Variants in PRKCA observed in about 807,000 individuals in gnomAD.
The protein encoded by PRKCA is protein kinase C alpha, also known as protein kinase C alpha type.
PRKCA carries 27 observed loss-of-function variants against 87.0 expected under a neutral mutation model. The observed-to-expected ratio is 0.31, with a 90% CI of 0.23 to 0.43. The LOEUF (loss-of-function observed/expected upper bound fraction) is 0.43. PRKCA is among the 20% of genes least tolerant of loss of function. The pLI, the probability that PRKCA is intolerant of heterozygous loss-of-function variation, is 1.00. For missense variants in PRKCA, 518 were observed against 852.3 expected (o/e 0.61, Z 4.88); for synonymous variants, 329 against 311.1 (o/e 1.06, Z -0.61).
chr17:66,698,749 G>T (rs367971058), intron 8 of PRKCA, among the ~76,000 whole-genome samples: 2 of 151,330 alleles, frequency 1.3e-5, no homozygotes, highest in South Asian at 2.1e-4. Context: ...TGAGGCAGGT[G>T]GATCACTTGA....
At chr17:66,705,800 C>G (rs191843267) in intron 8 of PRKCA, among the ~76,000 whole-genome samples, 13 of 152,218 alleles carry the variant, frequency 8.5e-5, no homozygotes, top group African/African-American at 3.1e-4. Flanking sequence ...AACATTGGCA[C>G]AAGTCTTCAT....
chr17:66,560,792 A>G (rs574550937), intron 3 of PRKCA, among the ~76,000 whole-genome samples: 1 of 152,286 alleles, frequency 6.6e-6, no homozygotes, highest in South Asian at 2.1e-4. Context: ...ATTCTCTTGG[A>G]CAGCAGAGGT....
chr17:66,373,313 CTG>C (rs557992716), intron 2 of PRKCA, among the ~76,000 whole-genome samples: 8 of 152,118 alleles, frequency 5.3e-5, no homozygotes, highest in Non-Finnish European at 1.2e-4. Context: ...TCCCGTAAAC[CTG>C]TGTGTTTAAA....
intron 2 of PRKCA, among the ~76,000 whole-genome samples, chr17:66,374,766 C>G (rs1249230055): frequency 7.8e-6 from 1 of 128,882 alleles, no homozygotes; most frequent in African/African-American, 3.0e-5. Context: ...CTTGCTCTGT[C>G]GTCCAGGCTG....
At chr17:66,304,933 C>T (rs2143097229) in intron 1 of PRKCA, among the ~76,000 whole-genome samples, 1 of 152,252 alleles carries the variant, frequency 6.6e-6, no homozygotes, top group African/African-American at 2.4e-5. Context: ...GTGACTTTTG[C>T]AGGAAGTAGG....
At chr17:66,324,898 G>C (rs1905883590) in intron 2 of PRKCA, among the ~76,000 whole-genome samples, 1 of 152,166 alleles carries the variant, frequency 6.6e-6, no homozygotes, top group African/African-American at 2.4e-5. Flanking sequence ...CATATTGGTT[G>C]ATTGGAACTG....
chr17:66,359,570 T>G (rs1237341895), intron 2 of PRKCA, among the ~76,000 whole-genome samples: 1 of 152,186 alleles, frequency 6.6e-6, no homozygotes, highest in Non-Finnish European at 1.5e-5. Flanking sequence ...TGTCTTGAGG[T>G]CATTGTCATT....
At chr17:66,406,465 G>C (rs577748609) in intron 2 of PRKCA, among the ~76,000 whole-genome samples, 3 of 152,154 alleles carry the variant, frequency 2.0e-5, no homozygotes, top group Admixed American at 2.0e-4. Flanking sequence ...TGGTGCCCAG[G>C]TGGCTAATTA....
At chr17:66,311,820 A>G (rs1905099534) in intron 2 of PRKCA, among the ~76,000 whole-genome samples, 1 of 152,126 alleles carries the variant, frequency 6.6e-6, no homozygotes, top group East Asian at 1.9e-4. Context: ...TTATACGGTA[A>G]GTGAAAGTGT....
rs1392180137 is a variant in PRKCA at position 66,587,707 on chromosome 17, ACG to A, written c.289-53647_289-53646del. Among the ~76,000 whole-genome samples, 85 of 123,912 alleles carry A rather than the reference ACG, an allele frequency of 6.9e-4. 16 individuals are homozygous for A. The highest frequency in any genetic ancestry group is 2.6e-3 in the African/African-American group (83 of 31,900). The allele number at this position is 123,912 out of a possible 152,430, so 81.3% of individuals were successfully genotyped here. ...TGTGTGTGTATATGTATACATATAT[ACG>A]TATATGTGTGTATATGTATACATAT... On this transcript the variant is annotated intron_variant, in intron 3 of 16. Transcript: ENST00000413366.
chr17:66,406,793 C>T (rs1042314283), intron 2 of PRKCA, among the ~76,000 whole-genome samples: 2 of 151,904 alleles, frequency 1.3e-5, no homozygotes, highest in East Asian at 1.9e-4. Context: ...ACCCATTTGC[C>T]ATGCCCTGCA....
At chr17:66,407,697 T>G (rs1196049912) in intron 2 of PRKCA, among the ~76,000 whole-genome samples, 1 of 152,168 alleles carries the variant, frequency 6.6e-6, no homozygotes, top group African/African-American at 2.4e-5. Context: ...GAAAAATGTT[T>G]TGCATTTTTT....
chr17:66,804,899 G>C lies in PRKCA; in HGVS notation c.*862G>C. 1 of 711,122 alleles carries C rather than the reference G, an allele frequency of 1.4e-6. No individual in the cohort carries two copies. The highest frequency in any genetic ancestry group is 2.0e-5 in the African/African-American group (1 of 50,204). The allele number at this position is 711,122 out of a possible 1,614,324, so 44.1% of individuals were successfully genotyped here. The stretch of plus-strand genomic sequence containing the variant: ...AATCATGCCACTACTCACCAGTGTT[G>C]TTCACCAACACCCACCCCCACACAC... On this transcript the variant is annotated 3_prime_UTR_variant, in exon 17 of 17. Transcript: ENST00000413366.
chr17:66,777,320 G>C (rs1975078409), intron 14 of PRKCA: 1 of 985,052 alleles, frequency 1.0e-6, no homozygotes, highest in Admixed American at 6.2e-5. Flanking sequence ...TGGTCTTGTA[G>C]ACATTGAAAG....
chr17:66,767,262 C>G (rs1464869562), intron 13 of PRKCA, among the ~76,000 whole-genome samples: 2 of 152,178 alleles, frequency 1.3e-5, no homozygotes, highest in African/African-American at 4.8e-5. Flanking sequence ...CTAGGTTTTT[C>G]TCCCTCATCA....
chr17:66,743,099 G>C (rs901200828), intron 13 of PRKCA, among the ~76,000 whole-genome samples: 2 of 152,200 alleles, frequency 1.3e-5, no homozygotes, highest in Non-Finnish European at 2.9e-5. Context: ...GGGAGCCCGA[G>C]GTGGGTGGAT....
chr17:66,788,498 G>C (rs1280963489), intron 15 of PRKCA, among the ~76,000 whole-genome samples: 1 of 151,800 alleles, frequency 6.6e-6, no homozygotes, highest in Non-Finnish European at 1.5e-5. Flanking sequence ...GTGATTGCAT[G>C]CTTTTTTTTT....
At chr17:66,371,454 C>G (rs1036768022) in intron 2 of PRKCA, among the ~76,000 whole-genome samples, 1 of 152,190 alleles carries the variant, frequency 6.6e-6, no homozygotes, top group Admixed American at 6.5e-5. Flanking sequence ...CTGAGAGAGA[C>G]AGTCTGCTCT....
chr17:66,423,474 A>G (rs1027612171), intron 2 of PRKCA, among the ~76,000 whole-genome samples: 1 of 152,202 alleles, frequency 6.6e-6, no homozygotes, highest in East Asian at 1.9e-4. Context: ...ATAGTTTGGA[A>G]TGATATGACT....
Sources: gnomAD v4.1 joint callset for allele counts (sites outside exome capture counted in the v4.1 genomes callset) on GRCh38, gnomAD v4.1.1 for gene constraint, MANE v1.5 for transcripts, NCBI Gene and HGNC (gene_info 2026-07-23, HGNC 2026-07-21) for gene names.